Variants in APP observed in about 807,000 individuals in gnomAD.
APP encodes amyloid beta precursor protein.
A neutral mutation model predicts 101.4 loss-of-function variants in APP; 31 were observed. That is an observed-to-expected ratio of 0.31 (90% confidence interval 0.23 to 0.41). The LOEUF (loss-of-function observed/expected upper bound fraction) is 0.41, where lower values mean the gene tolerates loss of function less well. Among genes scored for constraint, APP ranks in the 10% least tolerant of loss-of-function variants. The probability of loss-of-function intolerance (pLI) is 1.00; values close to 1 mark genes in which losing one functional copy is unlikely to be tolerated. For missense variants in APP, 839 were observed against 1,003.7 expected (o/e 0.84, Z 2.22); for synonymous variants, 366 against 364.4 (o/e 1.00, Z -0.05).
intron 13 of APP, among the ~76,000 whole-genome samples, chr21:25,932,972 A>T (rs1259942369): frequency 2.0e-5 from 3 of 152,228 alleles, no homozygotes; most frequent in Non-Finnish European, 2.9e-5. Context: ...TTACATTTTT[A>T]AAATTTTATT....
At chr21:26,074,343 C>A (rs1461652124) in intron 3 of APP, among the ~76,000 whole-genome samples, 1 of 152,176 alleles carries the variant, frequency 6.6e-6, no homozygotes, top group African/African-American at 2.4e-5. Context: ...AATAGGATGA[C>A]AGGAGTTCAT....
chr21:26,028,589 A>G (rs1399632907), intron 5 of APP, among the ~76,000 whole-genome samples: 3 of 152,224 alleles, frequency 2.0e-5, no homozygotes, highest in Non-Finnish European at 4.4e-5. Context: ...TCTTTAGCCA[A>G]TGGATAAATA....
In APP at chr21:25,880,607, C is replaced by T. The variant is rs758913449; in HGVS notation, c.*1063G>A. On this transcript the variant is annotated 3_prime_UTR_variant, in exon 18 of 18. Transcript: ENST00000346798. ...AACACCATTTTATACAAATTGAAGACACATCTTAAAAGAAGGGTTTGTCCA... is the reference window on the plus strand; with the variant it reads ...AACACCATTTTATACAAATTGAAGATACATCTTAAAAGAAGGGTTTGTCCA... The T allele has an allele frequency of 1.3e-5, 2 of 152,178 alleles. No homozygotes were observed. Among genetic ancestry groups the T allele is most frequent in the Non-Finnish European group, 2.9e-5 (2 of 68,036 alleles). The allele number at this position is 152,178 out of a possible 1,614,324, so 9.4% of individuals were successfully genotyped here. A position where few individuals can be genotyped will look rare whatever the true frequency, so the allele number is the denominator to read the frequency against.
intron 2 of APP, among the ~76,000 whole-genome samples, chr21:26,106,810 C>G (rs1343542840): frequency 6.6e-6 from 1 of 152,164 alleles, no homozygotes; most frequent in African/African-American, 2.4e-5. Flanking sequence ...GCCTCTAGGT[C>G]TTTCCTCCAG....
chr21:26,151,920 C>CA (rs1251888725), intron 1 of APP, among the ~76,000 whole-genome samples: 1 of 152,088 alleles, frequency 6.6e-6, no homozygotes, highest in African/African-American at 2.4e-5. Flanking sequence ...TGATATTTGG[C>CA]AAACAATCCC....
intron 11 of APP, among the ~76,000 whole-genome samples, chr21:25,967,119 G>C (rs1225542136): frequency 1.3e-5 from 2 of 152,178 alleles, no homozygotes; most frequent in Non-Finnish European, 2.9e-5. Context: ...AGTTTCCAGA[G>C]ATCTCAGCAA....
At chr21:26,159,377 C>A (rs1288576599) in intron 1 of APP, among the ~76,000 whole-genome samples, 1 of 152,306 alleles carries the variant, frequency 6.6e-6, no homozygotes, top group East Asian at 1.9e-4. Context: ...CCGCACCAGG[C>A]CATAAATTAG....
At chr21:26,050,645 C>T (rs111670936) in intron 5 of APP, among the ~76,000 whole-genome samples, 3 of 152,084 alleles carry the variant, frequency 2.0e-5, no homozygotes, top group African/African-American at 7.2e-5. Context: ...AAACTAATGA[C>T]TGACAATCCC....
At chr21:26,152,215 G>A (rs1218127554) in intron 1 of APP, among the ~76,000 whole-genome samples, 11 of 143,646 alleles carry the variant, frequency 7.7e-5, no homozygotes, top group South Asian at 2.2e-4. Context: ...AACCCGGGAG[G>A]CGGAGCTTGC....
intron 11 of APP, among the ~76,000 whole-genome samples, chr21:25,967,335 T>A (rs2041834161): frequency 6.6e-6 from 1 of 152,204 alleles, no homozygotes; most frequent in African/African-American, 2.4e-5. Flanking sequence ...ACAACTGGGA[T>A]AGATAAACAG....
At chr21:25,955,784 T>G (rs201884230) in intron 11 of APP, 29 bp from the exon 12 acceptor site, 1 of 1,613,796 alleles carries the variant, frequency 6.2e-7, no homozygotes, top group African/African-American at 1.3e-5. Context: ...AAACTCTTTT[T>G]CAAGTTTGTG....
At chr21:26,100,703 T>C (rs1601459866) in intron 2 of APP, among the ~76,000 whole-genome samples, 1 of 152,252 alleles carries the variant, frequency 6.6e-6, no homozygotes, top group East Asian at 1.9e-4. Context: ...TTCTGCTTTG[T>C]GCAGGCACTG....
At chr21:26,067,917 TAA>T (rs142161485) in intron 3 of APP, among the ~76,000 whole-genome samples, 1 of 143,324 alleles carries the variant, frequency 7.0e-6, no homozygotes, top group African/African-American at 2.5e-5. Context: ...CTGCCTTATT[TAA>T]AAAAAAAAAA....
At chr21:26,094,114 C>CAAAAAA (rs539941515) in intron 2 of APP, among the ~76,000 whole-genome samples, 3 of 73,174 alleles carry the variant, frequency 4.1e-5, no homozygotes, top group African/African-American at 1.6e-4. Context: ...GACTCGGTCT[C>CAAAAAA]AAAAAAAAAA....
intron 11 of APP, among the ~76,000 whole-genome samples, chr21:25,965,462 C>A (rs1169735152): frequency 6.6e-6 from 1 of 152,230 alleles, no homozygotes; most frequent in Non-Finnish European, 1.5e-5. Flanking sequence ...AAGAAAAGTA[C>A]ATTTGCATTT....
intron 5 of APP, among the ~76,000 whole-genome samples, chr21:26,039,097 T>A (rs762242922): frequency 6.6e-6 from 1 of 152,230 alleles, no homozygotes; most frequent in Non-Finnish European, 1.5e-5. Flanking sequence ...CCACCCAATG[T>A]CTTTTTAGGC....
chr21:26,020,216 A>G (rs2044278279), intron 6 of APP, among the ~76,000 whole-genome samples: 1 of 152,236 alleles, frequency 6.6e-6, no homozygotes, highest in Non-Finnish European at 1.5e-5. Context: ...ACTTATAATA[A>G]CAGTCCAAAA....
intron 2 of APP, among the ~76,000 whole-genome samples, chr21:26,104,838 C>CA (rs1343616573): frequency 6.6e-6 from 1 of 151,964 alleles, no homozygotes; most frequent in Non-Finnish European, 1.5e-5. Context: ...AGCAAAAAGT[C>CA]AAAACGACGT....
At chr21:26,062,230 A>ACACACACAC (rs57087990) in intron 3 of APP, among the ~76,000 whole-genome samples, 121 of 145,152 alleles carry the variant, frequency 8.3e-4, no homozygotes, top group South Asian at 1.8e-3. Context: ...CAAACAAACA[A>ACACACACAC]ACACACACAC....
Sources: allele counts gnomAD v4.1 joint callset (sites outside exome capture counted in the v4.1 genomes callset), GRCh38; gene constraint gnomAD v4.1.1; transcripts MANE v1.5; gene names NCBI Gene and HGNC (gene_info 2026-07-23, HGNC 2026-07-21).